The following TFRC variants were observed in gnomAD, a reference collection of about 807,000 sequenced individuals.
TFRC encodes the protein transferrin receptor protein 1.
A neutral mutation model predicts 85.8 loss-of-function variants in TFRC; 35 were observed. That is an observed-to-expected ratio of 0.41 (90% CI 0.31 to 0.54). The LOEUF (loss-of-function observed/expected upper bound fraction) is 0.54. Among genes scored for constraint, TFRC ranks in the 20% least tolerant of loss-of-function variants. TFRC has a pLI of 0.31. For synonymous variants in TFRC, 362 were observed against 328.6 expected, an observed-to-expected ratio of 1.10 and a Z score of -1.10; for missense variants, 828 against 921.5, an observed-to-expected ratio of 0.90 and a Z score of 1.31.
intron 6 of TFRC, 118 bp downstream of exon 6, chr3:196,071,278 A>G: frequency 1.0e-6 from 1 of 994,406 alleles, no homozygotes; most frequent in Non-Finnish European, 1.5e-6. Context: ...GTTGAAAACC[A>G]AAATATCTCA....
chr3:196,067,731 T>C, intron 8 of TFRC, 74 bp from the exon 9 acceptor site: 1 of 1,541,208 alleles, frequency 6.5e-7, no homozygotes, highest in Non-Finnish European at 8.8e-7. Flanking sequence ...AGGTTTGGTA[T>C]AAGGCTGCAG....
intron 14 of TFRC, among the ~76,000 whole-genome samples, chr3:196,059,119 T>A (rs575557327): frequency 6.6e-6 from 1 of 152,140 alleles, no homozygotes; most frequent in African/African-American, 2.4e-5. Flanking sequence ...ATTGAGACCA[T>A]CCTGGCCAAC....
At chr3:196,058,665 C>T in intron 14 of TFRC, 33 bp from the exon 15 acceptor site, 1 of 1,523,834 alleles carries the variant, frequency 6.6e-7, no homozygotes, top group East Asian at 2.3e-5. Context: ...TAAAACTAAC[C>T]TTTTGGAACT....
At chr3:196,053,331 C>G (rs1716498350) in intron 18 of TFRC, 87 bp downstream of exon 18, 2 of 1,472,616 alleles carry the variant, frequency 1.4e-6, no homozygotes, top group Admixed American at 1.7e-5. Flanking sequence ...TTCTAGACTC[C>G]TAGAGTTTGT....
chr3:196,065,413 GGGGC>G, intron 10 of TFRC, 26 bp downstream of exon 10: 4 of 769,664 alleles, frequency 5.2e-6, no homozygotes, highest in East Asian at 5.7e-5. Context: ...AAAAAAAAGC[GGGGC>G]GGGGGGGGGG....
chr3:196,066,840 A>T (rs2108648176), intron 9 of TFRC, among the ~76,000 whole-genome samples: 1 of 152,372 alleles, frequency 6.6e-6, no homozygotes. Context: ...ACAGGATCAG[A>T]GAACCTATGT....
At chr3:196,067,354 A>G (rs1409923977) in intron 9 of TFRC, among the ~76,000 whole-genome samples, 164 bp downstream of exon 9, 1 of 152,252 alleles carries the variant, frequency 6.6e-6, no homozygotes, top group Non-Finnish European at 1.5e-5. Flanking sequence ...ATCTCTTTAT[A>G]GAGAAAAATT....
At position 196,077,138 on chromosome 3, in the gene TFRC, G is replaced by A. The variant is rs769106877; in HGVS notation, c.-23-16C>T. 5.1e-6 allele frequency: 8 copies of A among 1,582,964 alleles called. No homozygotes were observed. In the East Asian group the frequency reaches 1.3e-4, roughly 27 times the overall value. On this transcript the variant is annotated splice_polypyrimidine_tract_variant and intron_variant, in intron 1 of 18. Coordinates refer to ENST00000360110, the MANE Select transcript of TFRC (RefSeq NM_001128148.3). ...ACAGAAGAACCTAGGTATCAGAATA[G>A]AGAATTATTGAGAAAGATACTACTG...
intron 5 of TFRC, 55 bp from the exon 6 acceptor site, chr3:196,071,553 A>G (rs768927374): frequency 4.0e-6 from 6 of 1,492,862 alleles, no homozygotes; most frequent in African/African-American, 1.4e-5. Flanking sequence ...AAAAAACACA[A>G]TAGCTTACAT....
chr3:196,053,007 G>A (rs1049847367), intron 18 of TFRC, among the ~76,000 whole-genome samples: 39 of 152,032 alleles, frequency 2.6e-4, no homozygotes, highest in African/African-American at 8.9e-4. Flanking sequence ...ACAGCAACTC[G>A]GGAGGCTAAG....
At chr3:196,066,325 GCTCACGC>G (rs1717740673) in intron 9 of TFRC, among the ~76,000 whole-genome samples, 1 of 152,140 alleles carries the variant, frequency 6.6e-6, no homozygotes, top group South Asian at 2.1e-4. Context: ...GGGTGCGGTG[GCTCACGC>G]CTGTAATCCC....
chr3:196,077,071 G>A lies in TFRC; in HGVS notation c.29C>T (p.Ser10Phe). 6.2e-7 allele frequency: 1 copy of A among 1,613,714 alleles called. No homozygotes were observed. Among genetic ancestry groups the A allele is most frequent in the Non-Finnish European group, 8.5e-7 (1 of 1,179,760 alleles). Residue 10 changes from serine to phenylalanine, a missense_variant, in exon 2 of 19, where the codon TCT becomes TTT. Ser to Phe is a radical substitution (Grantham distance 155). Transcript: ENST00000360110. MMDQARSAF[S>F]NLFGGEPLSY... The stretch of plus-strand genomic sequence containing the variant: ...CAACTGAAAATATCTTACCAAGTTA[G>A]AGAATGCTGATCTAGCTTGATCCAT...
At chr3:196,069,145 G>A (rs912315711) in intron 7 of TFRC, among the ~76,000 whole-genome samples, 4 of 151,980 alleles carry the variant, frequency 2.6e-5, no homozygotes, top group African/African-American at 9.7e-5. Context: ...ACTGTCTTTT[G>A]ATATGTTCCA....
intron 16 of TFRC, among the ~76,000 whole-genome samples, chr3:196,057,699 G>A (rs1012907301): frequency 1.3e-5 from 2 of 151,626 alleles, no homozygotes; most frequent in South Asian, 2.1e-4. Flanking sequence ...GGAGGCTGAA[G>A]GGGGAGGACT....
chr3:196,071,813 A>C (rs1331264555), intron 5 of TFRC, among the ~76,000 whole-genome samples, 190 bp downstream of exon 5: 4 of 152,224 alleles, frequency 2.6e-5, no homozygotes, highest in Non-Finnish European at 5.9e-5. Flanking sequence ...CTAAGGCAGG[A>C]GAATCACTTG....
intron 13 of TFRC, 95 bp downstream of exon 13, chr3:196,062,487 C>T (rs1282307029): frequency 1.2e-5 from 13 of 1,067,036 alleles, no homozygotes; most frequent in African/African-American, 3.2e-5. Flanking sequence ...GAGCCGAGAT[C>T]GTGCCATTGC....
At chr3:196,063,742 C>A (rs1717476087) in intron 11 of TFRC, among the ~76,000 whole-genome samples, 1 of 152,032 alleles carries the variant, frequency 6.6e-6, no homozygotes, top group South Asian at 2.1e-4. Flanking sequence ...CATGGCGAAA[C>A]CCTGTCTCTA....
intron 8 of TFRC, 34 bp downstream of exon 8, chr3:196,067,998 C>T: frequency 6.4e-7 from 1 of 1,563,106 alleles, no homozygotes. Context: ...ACTCAAGGAA[C>T]TCAAAACGGT....
intron 9 of TFRC, 37 bp from the exon 10 acceptor site, chr3:196,065,637 G>A (rs1717674699): frequency 1.3e-6 from 2 of 1,567,230 alleles, no homozygotes; most frequent in Non-Finnish European, 1.7e-6. Flanking sequence ...CTGAGTTATT[G>A]TTCCTTGCCC....
Sources: allele counts gnomAD v4.1 joint callset (sites outside exome capture counted in the v4.1 genomes callset), GRCh38; gene constraint gnomAD v4.1.1; transcripts MANE v1.5; gene names NCBI Gene and HGNC (gene_info 2026-07-23, HGNC 2026-07-21).